Variants in SPATA9 observed in about 807,000 individuals in gnomAD.
The protein encoded by SPATA9 is spermatogenesis-associated protein 9.
SPATA9 carries 27 observed loss-of-function variants against 25.5 expected under a neutral mutation model. The ratio of observed to expected loss-of-function variants is 1.06; its 90% CI spans 0.78 to 1.46. The LOEUF is 1.46. Ranked by LOEUF, SPATA9 falls within the 40% of genes most tolerant of loss-of-function variation. The probability of loss-of-function intolerance (pLI) is 0.00; values close to 1 mark genes in which losing one functional copy is unlikely to be tolerated. For missense variants in SPATA9, 282 were observed against 297.5 expected (o/e 0.95, Z 0.38); for synonymous variants, 102 against 105.7 (o/e 0.97, Z 0.21).
At chr5:95,699,007 G>C (rs1754111084), upstream of SPATA9, among the ~76,000 whole-genome samples, 2 of 152,192 alleles carry the variant, frequency 1.3e-5, no homozygotes, top group Non-Finnish European at 2.9e-5. Flanking sequence ...GAAGGCGCAG[G>C]CTTGAAGGTC....
At chr5:95,661,059 T>C (rs143779759) in intron 4 of SPATA9, among the ~76,000 whole-genome samples, 34 of 152,308 alleles carry the variant, frequency 2.2e-4, no homozygotes, top group African/African-American at 7.7e-4. Context: ...GTTATGCCGC[T>C]GAAATCATTT....
chr5:95,705,202 A>G, the SPATA9 span, among the ~76,000 whole-genome samples: 1 of 152,088 alleles, frequency 6.6e-6, no homozygotes, highest in African/African-American at 2.4e-5. Context: ...TCCTAGGCTC[A>G]ATGATTTGCC....
the SPATA9 span, chr5:95,708,776 C>T: frequency 1.6e-6 from 1 of 615,568 alleles, no homozygotes; most frequent in Non-Finnish European, 2.9e-6. Context: ...CATAGATCGA[C>T]TGCAAAGGTG....
intron 3 of SPATA9, 118 bp from the exon 4 acceptor site, chr5:95,664,166 T>G (rs945809681): frequency 3.2e-5 from 16 of 492,478 alleles, no homozygotes; most frequent in Admixed American, 1.3e-4. Flanking sequence ...TCATCTACTT[T>G]AGAGCTATCT....
downstream of SPATA9, among the ~76,000 whole-genome samples, chr5:95,654,891 ATATT>A (rs1423305703): frequency 6.6e-6 from 1 of 152,076 alleles, no homozygotes; most frequent in Non-Finnish European, 1.5e-5. Flanking sequence ...AAATGAGTAT[ATATT>A]ATTTTTATAA....
At chr5:95,731,526 G>A in the SPATA9 span, 1 of 1,302,274 alleles carries the variant, frequency 7.7e-7, no homozygotes, top group Non-Finnish European at 9.7e-7. Context: ...GCGCGGCCCC[G>A]GCCCCGCTCT....
the SPATA9 span, chr5:95,731,994 G>C: frequency 6.2e-7 from 1 of 1,614,172 alleles, no homozygotes. Flanking sequence ...TGCTGAACGC[G>C]GCCAGCACGG....
upstream of SPATA9, among the ~76,000 whole-genome samples, chr5:95,701,727 T>C (rs1446098007): frequency 1.3e-5 from 2 of 152,022 alleles, no homozygotes; most frequent in East Asian, 3.8e-4. Flanking sequence ...AAAATCCCTA[T>C]AAGTAAGATC....
chr5:95,654,949 A>G (rs1171701016), downstream of SPATA9, among the ~76,000 whole-genome samples: 1 of 152,128 alleles, frequency 6.6e-6, no homozygotes, highest in African/African-American at 2.4e-5. Flanking sequence ...AAAGAAATAA[A>G]CCACACTGTA....
rs376299308 is a variant in SPATA9, at chr5:95,660,310, C to T, written c.475-1397G>A. On this transcript the variant is annotated intron_variant, in intron 4 of 4. Transcript: ENST00000274432. ...TTCATGAGGACTCTGCTCTCATTACCTAATCACTTCCCAAAGGCCCCACTT... is the reference window on the plus strand; with the variant it reads ...TTCATGAGGACTCTGCTCTCATTACTTAATCACTTCCCAAAGGCCCCACTT... Among the ~76,000 whole-genome samples, 5 of 152,252 alleles carry T rather than the reference C, an allele frequency of 3.3e-5. No individual in the cohort carries two copies. The South Asian group carries it at 8.3e-4, about 25-fold the overall frequency.
chr5:95,653,323 A>T (rs1462163298), downstream of SPATA9: 2 of 1,453,472 alleles, frequency 1.4e-6, no homozygotes, highest in Non-Finnish European at 9.2e-7. Flanking sequence ...CAAGTGGACC[A>T]CCTTAGCCAA....
the SPATA9 span, among the ~76,000 whole-genome samples, chr5:95,721,112 A>T: frequency 6.6e-6 from 1 of 152,348 alleles, no homozygotes; most frequent in East Asian, 1.9e-4. Flanking sequence ...AAAGGCAAAA[A>T]ACCTTGGCAA....
intron 1 of SPATA9, 39 bp downstream of exon 1, chr5:95,682,755 C>G: frequency 6.5e-7 from 1 of 1,535,176 alleles, no homozygotes; most frequent in South Asian, 1.3e-5. Flanking sequence ...CCCAATTGTT[C>G]CCACACCCAT....
chr5:95,658,719 T>G lies in SPATA9; in HGVS notation c.669A>C (p.Ser223=). The change falls in exon 5 of 5, where the codon TCA becomes TCC. Residue 223 remains serine (S), a synonymous_variant. Coordinates refer to ENST00000274432, the MANE Select transcript of SPATA9 (RefSeq NM_031952.4). ...YRSLPEKPDI[S]DYPKLLANKQ... is the part of the protein sequence containing the mutation. ...TATTAGCAAGAAGCTTGGGGTAATC[T>G]GAAATGTCTGGCTTCTCCGGCAATG... 6.2e-7 allele frequency: 1 copy of G among 1,613,874 alleles called. No homozygotes were observed. Among genetic ancestry groups the G allele is most frequent in the Non-Finnish European group, 8.5e-7 (1 of 1,179,900 alleles).
chr5:95,714,224 C>T, the SPATA9 span, among the ~76,000 whole-genome samples: 2 of 151,962 alleles, frequency 1.3e-5, no homozygotes, highest in East Asian at 1.9e-4. Flanking sequence ...TATACAGGCT[C>T]GAGGCTCAAG....
chr5:95,660,199 T>C (rs1048036380), intron 4 of SPATA9, among the ~76,000 whole-genome samples: 1 of 152,162 alleles, frequency 6.6e-6, no homozygotes, highest in African/African-American at 2.4e-5. Context: ...TTCTGTTTCA[T>C]AGATGGTACC....
intron 2 of SPATA9, among the ~76,000 whole-genome samples, chr5:95,677,612 T>C (rs75333489): frequency 2.0e-5 from 3 of 152,156 alleles, no homozygotes; most frequent in Admixed American, 6.5e-5. Context: ...CAGTTTTTTT[T>C]CACACATTAA....
chr5:95,674,417 G>A (rs1304007856), intron 3 of SPATA9, among the ~76,000 whole-genome samples: 1 of 152,176 alleles, frequency 6.6e-6, no homozygotes, highest in Non-Finnish European at 1.5e-5. Flanking sequence ...GCCAATCAGT[G>A]CATCTCATGT....
rs1750919669 is a variant in SPATA9 at position 95,658,441 on chromosome 5, A to C, written c.*182T>G. 1.7e-6 allele frequency: 1 copy of C among 581,776 alleles called. No homozygotes were observed. Among genetic ancestry groups the C allele is most frequent in the Non-Finnish European group, 2.6e-6 (1 of 381,256 alleles). 36.0% of individuals were successfully genotyped at this position (581,776 alleles called of 1,614,324 possible). Reference sequence around the variant, plus strand: ...GTAGTCAGTACATATATTCCACATCAATATTCATTTTATTTACTCTATCAT... The same window carrying C: ...GTAGTCAGTACATATATTCCACATCCATATTCATTTTATTTACTCTATCAT... On this transcript the variant is annotated 3_prime_UTR_variant, in exon 5 of 5. Coordinates refer to ENST00000274432, the MANE Select transcript of SPATA9 (RefSeq NM_031952.4).
Sources: gnomAD v4.1 joint callset for allele counts (sites outside exome capture counted in the v4.1 genomes callset) on GRCh38, gnomAD v4.1.1 for gene constraint, MANE v1.5 for transcripts, NCBI Gene and HGNC (gene_info 2026-07-23, HGNC 2026-07-21) for gene names.